GTF2A1: variants seen among roughly 807,000 people sequenced by gnomAD.
GTF2A1 encodes the protein transcription initiation factor IIA subunit 1.
GTF2A1 carries 12 observed loss-of-function variants against 54.1 expected under a neutral mutation model. The observed-to-expected ratio is 0.22, with a 90% confidence interval of 0.14 to 0.36. GTF2A1 has a LOEUF of 0.36. GTF2A1 is among the 10% of genes least tolerant of loss of function. GTF2A1 has a pLI of 1.00. For synonymous variants in GTF2A1, 145 were observed against 152.0 expected, an observed-to-expected ratio of 0.95 and a Z score of 0.34; for missense variants, 335 against 442.2, an observed-to-expected ratio of 0.76 and a Z score of 2.17.
intron 2 of GTF2A1, among the ~76,000 whole-genome samples, chr14:81,208,769 G>A (rs570187323): frequency 1.8e-4 from 28 of 152,334 alleles, no homozygotes; most frequent in Admixed American, 7.2e-4. Flanking sequence ...GTGAGACCTG[G>A]AGTCAAAGGA....
chr14:81,180,423 A>G, intron 8 of GTF2A1, 93 bp from the exon 9 acceptor site: 1 of 667,576 alleles, frequency 1.5e-6, no homozygotes, highest in Non-Finnish European at 2.7e-6. Flanking sequence ...ACACGTACAC[A>G]CACACCCCCC....
At chr14:81,218,907 C>G (rs1294498350) in intron 1 of GTF2A1, among the ~76,000 whole-genome samples, 1 of 151,238 alleles carries the variant, frequency 6.6e-6, no homozygotes, top group Non-Finnish European at 1.5e-5. Context: ...TCTGAAAAGC[C>G]TCGTGTCTTT....
intron 3 of GTF2A1, chr14:81,202,801 C>G (rs1315837003): frequency 3.9e-6 from 2 of 516,664 alleles, no homozygotes; most frequent in Non-Finnish European, 7.7e-6. Context: ...AATCCTAATG[C>G]CAGGTCTGAA....
chr14:81,216,274 G>A (rs1893487053), intron 2 of GTF2A1, 139 bp downstream of exon 2: 3 of 574,916 alleles, frequency 5.2e-6, no homozygotes, highest in Non-Finnish European at 3.1e-6. Context: ...AAGAATGCAT[G>A]GCAGAGTTGG....
rs34999597 is a variant in GTF2A1, at chr14:81,196,150, T to C, written c.570A>G (p.Pro190=). 2.5e-3 allele frequency: 4,091 copies of C among 1,613,878 alleles called. 10 individuals carry two copies. Among genetic ancestry groups the C allele is most frequent in the Non-Finnish European group, 2.9e-3 (3,436 of 1,179,742 alleles). ...CTTGTACTCCACCAGGCTGCATTTG[T>C]GGTATAACCTGTTGTTGTAGAACCA... ...QSVVLQQQVI[P]QMQPGGVQAP... is the part of the protein sequence containing the mutation. The change falls in exon 6 of 9, where the codon CCA becomes CCG. Residue 190 remains proline (P), a synonymous_variant. Transcript: ENST00000553612.
intron 7 of GTF2A1, among the ~76,000 whole-genome samples, chr14:81,189,564 A>G (rs1007463316): frequency 2.6e-5 from 4 of 152,004 alleles, no homozygotes; most frequent in South Asian, 2.1e-4. Flanking sequence ...CCAGCTACTC[A>G]GGAGGCTGAG....
At chr14:81,197,866 T>C (rs1025463396) in intron 4 of GTF2A1, among the ~76,000 whole-genome samples, 6 of 152,190 alleles carry the variant, frequency 3.9e-5, no homozygotes, top group African/African-American at 7.2e-5. Context: ...CTGTACAATA[T>C]ATGAAATGGC....
rs1332027862 is a variant in GTF2A1, at chr14:81,176,748, G to A, written c.*3475C>T. On this transcript the variant is annotated 3_prime_UTR_variant, in exon 9 of 9. Coordinates refer to ENST00000553612, the MANE Select transcript of GTF2A1 (RefSeq NM_015859.4). The stretch of plus-strand genomic sequence containing the variant: ...TTCAAAATCTGCTATAGCTGATTCT[G>A]ACAGGTAGGTGAGAGAAAGACATGA... 1 of 152,026 alleles carries A rather than the reference G, an allele frequency of 6.6e-6. No individual in the cohort carries two copies. Among genetic ancestry groups the A allele is most frequent in the African/African-American group, 2.4e-5 (1 of 41,426 alleles). The allele number at this position is 152,026 out of a possible 1,614,324, so 9.4% of individuals were successfully genotyped here. A position where few individuals can be genotyped will look rare whatever the true frequency, so the allele number is the denominator to read the frequency against.
At position 81,178,811 on chromosome 14, in the gene GTF2A1, A is replaced by G. The variant is rs556339904; in HGVS notation, c.*1412T>C. 6.6e-6 allele frequency: 1 copy of G among 152,322 alleles called. No homozygotes were observed. Among genetic ancestry groups the G allele is most frequent in the South Asian group, 2.1e-4 (1 of 4,830 alleles). 9.4% of individuals were successfully genotyped at this position (152,322 alleles called of 1,614,324 possible). On this transcript the variant is annotated 3_prime_UTR_variant, in exon 9 of 9. Coordinates refer to ENST00000553612, the MANE Select transcript of GTF2A1 (RefSeq NM_015859.4). ...ACACATGTAAATTTTGTCAAGATAA[A>G]CCATGGAAAGTTGAATTCGTTGTAA...
At chr14:81,209,250 A>C (rs980702123) in intron 2 of GTF2A1, among the ~76,000 whole-genome samples, 2 of 152,124 alleles carry the variant, frequency 1.3e-5, no homozygotes, top group African/African-American at 4.8e-5. Flanking sequence ...GATAGTGAAT[A>C]AGTCTCACGA....
In GTF2A1 at chr14:81,203,913, A is replaced by G; in HGVS notation, c.324T>C (p.Pro108=). The G allele has an allele frequency of 1.2e-6, 2 of 1,613,188 alleles. No homozygotes were observed. The highest frequency in any genetic ancestry group is 1.7e-6 in the Non-Finnish European group (2 of 1,179,130). ...QQAQTQQVLI[P]ASQQATAPQV... The stretch of plus-strand genomic sequence containing the variant: ...GTCCAGTCTCACCTTGCTGTGATGC[A>G]GGAATAAGAACCTGCTGGGTCTGCG... The change falls in exon 3 of 9, where the codon CCT becomes CCC. Residue 108 remains proline, a synonymous_variant. Coordinates refer to ENST00000553612, the MANE Select transcript of GTF2A1 (RefSeq NM_015859.4).
At chr14:81,204,875 T>C (rs1265867981) in intron 2 of GTF2A1, among the ~76,000 whole-genome samples, 1 of 152,248 alleles carries the variant, frequency 6.6e-6, no homozygotes, top group African/African-American at 2.4e-5. Flanking sequence ...ACATTTCCTC[T>C]CTACCAGGTT....
chr14:81,211,942 C>T (rs1167171539), intron 2 of GTF2A1, among the ~76,000 whole-genome samples: 2 of 137,078 alleles, frequency 1.5e-5, no homozygotes, highest in Non-Finnish European at 3.1e-5. Flanking sequence ...GGTTCTCAGC[C>T]AGAGGTGATT....
chr14:81,204,207 CT>C (rs1406974176), intron 2 of GTF2A1, 103 bp from the exon 3 acceptor site: 1 of 845,824 alleles, frequency 1.2e-6, no homozygotes, highest in African/African-American at 1.7e-5. Context: ...ATTTTAAAAA[CT>C]GATACAGACA....
At chr14:81,218,536 T>G (rs1893537197) in intron 1 of GTF2A1, among the ~76,000 whole-genome samples, 1 of 152,190 alleles carries the variant, frequency 6.6e-6, no homozygotes, top group African/African-American at 2.4e-5. Flanking sequence ...ATTTCTAAAT[T>G]ATTGCTTAAA....
chr14:81,217,955 T>G (rs1013053719), intron 1 of GTF2A1, among the ~76,000 whole-genome samples: 1 of 152,164 alleles, frequency 6.6e-6, no homozygotes, highest in Non-Finnish European at 1.5e-5. Context: ...CTCTTGAAGT[T>G]TATTCATCTG....
chr14:81,200,520 A>C (rs559878141), intron 4 of GTF2A1, among the ~76,000 whole-genome samples: 1 of 151,884 alleles, frequency 6.6e-6, no homozygotes, highest in East Asian at 2.0e-4. Flanking sequence ...CCAGCTACTC[A>C]GGAGGCTGAG....
rs978906863 is a variant in GTF2A1 at position 81,177,236 on chromosome 14, G to A, written c.*2987C>T. The A allele has an allele frequency of 3.1e-4, 47 of 152,146 alleles. No individual in the cohort carries two copies. The highest frequency in any genetic ancestry group is 1.9e-4 in the East Asian group (1 of 5,200). The allele number at this position is 152,146 out of a possible 1,614,324, so 9.4% of individuals were successfully genotyped here. On this transcript the variant is annotated 3_prime_UTR_variant, in exon 9 of 9. Transcript: ENST00000553612. ...GGCTTTGCTTTTAAAAGAGGCAACAGTGTAAATGTGACATTATGATGGCAT... is the reference window on the plus strand; with the variant it reads ...GGCTTTGCTTTTAAAAGAGGCAACAATGTAAATGTGACATTATGATGGCAT...
intron 7 of GTF2A1, among the ~76,000 whole-genome samples, chr14:81,188,949 TC>T (rs1892811046): frequency 6.6e-6 from 1 of 152,186 alleles, no homozygotes; most frequent in Non-Finnish European, 1.5e-5. Context: ...TATCTAATTG[TC>T]CAAGCATAAT....
Sources: allele counts gnomAD v4.1 joint callset (sites outside exome capture counted in the v4.1 genomes callset), GRCh38; gene constraint gnomAD v4.1.1; transcripts MANE v1.5; gene names NCBI Gene and HGNC (gene_info 2026-07-23, HGNC 2026-07-21).